Variants in CCNT2 observed in about 807,000 individuals in gnomAD.
The protein encoded by CCNT2 is cyclin T2.
CCNT2 carries 18 observed loss-of-function variants against 70.0 expected under a neutral mutation model. The ratio of observed to expected loss-of-function variants is 0.26; its 90% CI spans 0.18 to 0.38. CCNT2 has a LOEUF of 0.38. CCNT2 is among the 10% of genes least tolerant of loss of function. The pLI is 1.00. For missense variants in CCNT2, 734 were observed against 890.2 expected (o/e 0.82, Z 2.23); for synonymous variants, 334 against 313.3 (o/e 1.07, Z -0.70).
intron 7 of CCNT2, 45 bp downstream of exon 7, chr2:134,947,944 G>C: frequency 1.7e-6 from 2 of 1,180,576 alleles, no homozygotes; most frequent in South Asian, 4.4e-5. Flanking sequence ...TATCTAAGTT[G>C]GCAGTTGTCT....
intron 2 of CCNT2, among the ~76,000 whole-genome samples, chr2:134,923,306 A>G (rs1169135313): frequency 6.6e-6 from 1 of 152,120 alleles, no homozygotes; most frequent in African/African-American, 2.4e-5. Context: ...TAATAATAAA[A>G]ATAAATAAAT....
intron 4 of CCNT2, among the ~76,000 whole-genome samples, chr2:134,941,889 GACC>G (rs1186648614): frequency 6.6e-6 from 1 of 152,034 alleles, no homozygotes; most frequent in Non-Finnish European, 1.5e-5. Flanking sequence ...ACTATATATA[GACC>G]ACACAACAAC....
chr2:134,936,800 G>A (rs968959171), intron 2 of CCNT2, 41 bp from the exon 3 acceptor site: 1 of 1,545,618 alleles, frequency 6.5e-7, no homozygotes, highest in Non-Finnish European at 8.8e-7. Flanking sequence ...TTTTTGAAAT[G>A]TATTTGTTCT....
At position 134,953,357 on chromosome 2, in the gene CCNT2, T is replaced by C; in HGVS notation, c.902T>C (p.Phe301Ser). The C allele has an allele frequency of 6.2e-7, 1 of 1,605,082 alleles. No individual in the cohort carries two copies. Among genetic ancestry groups the C allele is most frequent in the Non-Finnish European group, 8.5e-7 (1 of 1,175,000 alleles). Residue 301 changes from phenylalanine (F) to serine (S), a missense_variant, in exon 9 of 9, where the codon TTT becomes TCT. Phe to Ser is a radical substitution (Grantham distance 155). Coordinates refer to ENST00000264157, the MANE Select transcript of CCNT2 (RefSeq NM_058241.3). The part of the protein sequence containing the change: ...SVTGVPTNPS[F>S]QKPSTSAFPA... ...ACTGGTGTGCCTACAAACCCAAGTT[T>C]TCAGAAACCATCTACATCAGCATTC...
intron 3 of CCNT2, among the ~76,000 whole-genome samples, 167 bp downstream of exon 3, chr2:134,937,136 A>G (rs1008040347): frequency 6.6e-6 from 1 of 152,216 alleles, no homozygotes; most frequent in Non-Finnish European, 1.5e-5. Context: ...AAAAACATAT[A>G]ATGTATGTTC....
At chr2:134,949,423 CTG>C (rs1240425359) in intron 7 of CCNT2, among the ~76,000 whole-genome samples, 1 of 152,230 alleles carries the variant, frequency 6.6e-6, no homozygotes, top group Non-Finnish European at 1.5e-5. Flanking sequence ...TTGGGTGTGA[CTG>C]TGTTCCAGTA....
At chr2:134,947,981 A>G (rs1682120121) in intron 7 of CCNT2, 82 bp downstream of exon 7, 1 of 743,296 alleles carries the variant, frequency 1.3e-6, no homozygotes, top group Non-Finnish European at 2.1e-6. Flanking sequence ...GTGTCAGTAC[A>G]CTATCAGATG....
Position 134,954,208 on chromosome 2 carries a change from G to T in CCNT2, c.1753G>T (p.Gly585Cys), listed in dbSNP as rs374558274. ...HSHSHSGSSSGGSKHSADGIP... is the reference protein window; with the variant it reads ...HSHSHSGSSSCGSKHSADGIP... ...CCACTCGCATAGTGGCAGCAGCAGCGGTGGCAGTAAACACAGTGCCGACGG... is the reference window on the plus strand; with the variant it reads ...CCACTCGCATAGTGGCAGCAGCAGCTGTGGCAGTAAACACAGTGCCGACGG... Residue 585 changes from glycine to cysteine, a missense_variant, in exon 9 of 9, where the codon GGT (glycine) becomes TGT (cysteine). By Grantham distance (159) the Gly-to-Cys change is radical (BLOSUM62 -3). Transcript: ENST00000264157. 1 of 1,613,940 alleles carries T rather than the reference G, an allele frequency of 6.2e-7. No homozygotes were observed. The highest frequency in any genetic ancestry group is 8.5e-7 in the Non-Finnish European group (1 of 1,180,010).
intron 2 of CCNT2, among the ~76,000 whole-genome samples, chr2:134,931,448 T>C (rs1045404423): frequency 2.6e-5 from 4 of 151,856 alleles, no homozygotes; most frequent in African/African-American, 9.7e-5. Context: ...GACCACATAG[T>C]CTTGATTACT....
At chr2:134,941,221 CT>C (rs1245775594) in intron 4 of CCNT2, among the ~76,000 whole-genome samples, 3 of 152,186 alleles carry the variant, frequency 2.0e-5, no homozygotes, top group Non-Finnish European at 4.4e-5. Context: ...CCTGCCTCCT[CT>C]TTTGTGTCTT....
chr2:134,947,059 G>A (rs182079002), intron 6 of CCNT2, among the ~76,000 whole-genome samples: 10 of 152,274 alleles, frequency 6.6e-5, no homozygotes, highest in African/African-American at 2.4e-4. Context: ...TTGGAACTTT[G>A]ATTAGAAAAG....
At chr2:134,923,772 A>G (rs561429673) in intron 2 of CCNT2, among the ~76,000 whole-genome samples, 1 of 152,358 alleles carries the variant, frequency 6.6e-6, no homozygotes, top group East Asian at 1.9e-4. Flanking sequence ...GTCCGAAATT[A>G]AAACTATTAC....
Position 134,957,298 on chromosome 2 carries a change from T to C in CCNT2, c.*2650T>C, listed in dbSNP as rs1028846298. 3 of 152,190 alleles carry C rather than the reference T, an allele frequency of 2.0e-5. No individual in the cohort carries two copies. The highest frequency in any genetic ancestry group is 2.0e-4 in the Admixed American group (3 of 15,284). 9.4% of individuals were successfully genotyped at this position (152,190 alleles called of 1,614,324 possible). A position where few individuals can be genotyped will look rare whatever the true frequency, so the allele number is the denominator to read the frequency against. On this transcript the variant is annotated 3_prime_UTR_variant, in exon 9 of 9. Transcript: ENST00000264157. ...TAAATAAACCAAAATAGTATCAAAT[T>C]TAGGTATGAAATTCCACATGTGCAA...
chr2:134,938,766 T>A (rs1681349804), intron 3 of CCNT2, among the ~76,000 whole-genome samples: 2 of 152,222 alleles, frequency 1.3e-5, no homozygotes, highest in African/African-American at 4.8e-5. Flanking sequence ...TTACCCTCTT[T>A]CATATTGGTT....
At chr2:134,919,269 G>T (rs1031150071) in intron 1 of CCNT2, among the ~76,000 whole-genome samples, 1 of 152,206 alleles carries the variant, frequency 6.6e-6, no homozygotes, top group Non-Finnish European at 1.5e-5. Flanking sequence ...GGCGGCGGGG[G>T]TTGGGAGTGT....
chr2:134,953,089 A>G (rs1432068644), intron 8 of CCNT2, 141 bp from the exon 9 acceptor site: 2 of 595,234 alleles, frequency 3.4e-6, no homozygotes, highest in East Asian at 2.9e-5. Flanking sequence ...TTTACTGACA[A>G]CATAAAATCT....
intron 5 of CCNT2, 62 bp downstream of exon 5, chr2:134,942,736 TG>T: frequency 6.8e-7 from 1 of 1,465,438 alleles, no homozygotes; most frequent in Non-Finnish European, 9.2e-7. Context: ...GTAATTGATT[TG>T]GGTGCTATTT....
intron 2 of CCNT2, among the ~76,000 whole-genome samples, chr2:134,926,495 A>G (rs1408774710): frequency 6.6e-6 from 1 of 152,124 alleles, no homozygotes; most frequent in East Asian, 1.9e-4. Flanking sequence ...TGGAAGATCA[A>G]TTTCAAAAGT....
intron 3 of CCNT2, among the ~76,000 whole-genome samples, chr2:134,937,517 A>G (rs1405574434): frequency 6.6e-6 from 1 of 152,156 alleles, no homozygotes; most frequent in East Asian, 1.9e-4. Flanking sequence ...TTTCCAGACA[A>G]CTTTATCATC....
Sources: gnomAD v4.1 joint callset for allele counts (sites outside exome capture counted in the v4.1 genomes callset) on GRCh38, gnomAD v4.1.1 for gene constraint, MANE v1.5 for transcripts, NCBI Gene and HGNC (gene_info 2026-07-23, HGNC 2026-07-21) for gene names.